Variants in FRK observed in about 807,000 individuals in gnomAD.
FRK encodes fyn related Src family tyrosine kinase.
In FRK, 51 loss-of-function variants were observed where a neutral mutation model predicts 56.4. That is an observed-to-expected ratio of 0.90 (90% CI 0.72 to 1.14). FRK has a LOEUF of 1.14. FRK is among the 50% of genes most tolerant of loss of function. The pLI, the probability that FRK is intolerant of heterozygous loss-of-function variation, is 0.00. For missense variants in FRK, 570 were observed against 601.4 expected (o/e 0.95, Z 0.55); for synonymous variants, 245 against 217.9 (o/e 1.12, Z -1.10).
intron 1 of FRK, among the ~76,000 whole-genome samples, chr6:116,056,200 G>GTT (rs540554217): frequency 1.7e-4 from 23 of 132,718 alleles, no homozygotes; most frequent in East Asian, 2.2e-4. Flanking sequence ...TGTTCATTTG[G>GTT]TTTTTTTTTT....
chr6:115,958,642 A>AG (rs1773120989), intron 4 of FRK, among the ~76,000 whole-genome samples: 1 of 5,732 alleles, frequency 1.7e-4, no homozygotes, highest in African/African-American at 3.7e-4. Context: ...AAGGAAAGAA[A>AG]GAAAAGAAAG....
chr6:115,944,208 T>A, intron 6 of FRK, 36 bp downstream of exon 6: 1 of 1,545,276 alleles, frequency 6.5e-7, no homozygotes, highest in South Asian at 1.2e-5. Flanking sequence ...ACTTTTGACC[T>A]ATTACAAAAA....
chr6:116,014,976 G>A (rs545860575), intron 1 of FRK, among the ~76,000 whole-genome samples: 4 of 152,120 alleles, frequency 2.6e-5, no homozygotes, highest in Non-Finnish European at 5.9e-5. Flanking sequence ...TCTCAGAAAT[G>A]CCTGTGAAAG....
chr6:115,972,487 C>G (rs1458973224), intron 2 of FRK, among the ~76,000 whole-genome samples: 1 of 152,144 alleles, frequency 6.6e-6, no homozygotes, highest in Non-Finnish European at 1.5e-5. Flanking sequence ...TTCATTAGCC[C>G]AGGAATAAAG....
the FRK span, among the ~76,000 whole-genome samples, chr6:116,067,744 T>A: frequency 6.6e-6 from 1 of 152,202 alleles, no homozygotes; most frequent in African/African-American, 2.4e-5. Context: ...TTGTTTTCTA[T>A]AATAGAACAA....
intron 2 of FRK, among the ~76,000 whole-genome samples, chr6:115,991,816 A>G (rs1051872971): frequency 9.9e-5 from 15 of 151,510 alleles, no homozygotes; most frequent in African/African-American, 3.6e-4. Context: ...CCTCCTCCTC[A>G]ATTTTTTTGA....
chr6:115,967,332 A>G (rs1773619780), intron 4 of FRK, among the ~76,000 whole-genome samples: 1 of 152,162 alleles, frequency 6.6e-6, no homozygotes, highest in Non-Finnish European at 1.5e-5. Flanking sequence ...AGACTCTTCA[A>G]TCAGCGATAT....
intron 1 of FRK, among the ~76,000 whole-genome samples, chr6:116,022,137 T>C (rs1775894110): frequency 6.6e-6 from 1 of 151,898 alleles, no homozygotes. Flanking sequence ...CAGAAAATAT[T>C]AATAACCCTA....
At chr6:116,053,768 A>G (rs1255238386) in intron 1 of FRK, among the ~76,000 whole-genome samples, 1 of 152,124 alleles carries the variant, frequency 6.6e-6, no homozygotes, top group Non-Finnish European at 1.5e-5. Context: ...CTAAAGAGTG[A>G]TTCTGAATGA....
intron 1 of FRK, among the ~76,000 whole-genome samples, chr6:116,057,213 A>G (rs1314067549): frequency 6.6e-6 from 1 of 152,230 alleles, no homozygotes; most frequent in East Asian, 1.9e-4. Context: ...GATATAAACA[A>G]TAATCTTTCC....
At chr6:116,056,035 A>C (rs562858777) in intron 1 of FRK, among the ~76,000 whole-genome samples, 31 of 152,288 alleles carry the variant, frequency 2.0e-4, no homozygotes, top group African/African-American at 7.5e-4. Context: ...AGAAATCATC[A>C]GTGGCTGGCT....
intron 2 of FRK, among the ~76,000 whole-genome samples, chr6:115,990,238 C>G (rs778288341): frequency 6.6e-6 from 1 of 151,898 alleles, no homozygotes; most frequent in Non-Finnish European, 1.5e-5. Flanking sequence ...CCTGTTTACT[C>G]TGTTGATTGT....
chr6:115,967,638 T>C lies in FRK; in HGVS notation c.712A>G (p.Lys238Glu). 6.2e-7 allele frequency: 1 copy of C among 1,613,782 alleles called. No homozygotes were observed. Among genetic ancestry groups the C allele is most frequent in the Non-Finnish European group, 8.5e-7 (1 of 1,179,816 alleles). The change falls in exon 4 of 8, where the codon AAG becomes GAG. Residue 238 changes from lysine to glutamate, a missense_variant. By Grantham distance (56) the Lys-to-Glu change is moderately conservative (BLOSUM62 1). Coordinates refer to ENST00000606080, the MANE Select transcript of FRK (RefSeq NM_002031.3). ...EIDRNSIQLL[K>E]RLGSGQFGEV... is the part of the protein sequence containing the mutation. ...CCAAACTGACCAGATCCCAATCGCT[T>C]CAGAAGCTGTATGGAGTTGCGGTCT...
At chr6:115,959,874 T>A (rs1199535622) in intron 4 of FRK, among the ~76,000 whole-genome samples, 1 of 152,138 alleles carries the variant, frequency 6.6e-6, no homozygotes, top group Non-Finnish European at 1.5e-5. Flanking sequence ...TTGACACTAT[T>A]CACTTGTTAC....
the FRK span, among the ~76,000 whole-genome samples, chr6:116,078,231 A>C: frequency 1.3e-5 from 2 of 152,226 alleles, no homozygotes; most frequent in Non-Finnish European, 2.9e-5. Flanking sequence ...GTAGTGTCCC[A>C]ACTTCTGGAC....
chr6:115,996,422 C>T lies in FRK; in HGVS notation c.466+7455G>A, dbSNP rs79350673. Reference sequence around the variant, plus strand: ...GGGTCTGTATAAAGTGAGTTTAGGACGAACTCTGTGCCTGGCAGAGACATA... The same window carrying T: ...GGGTCTGTATAAAGTGAGTTTAGGATGAACTCTGTGCCTGGCAGAGACATA... On this transcript the variant is annotated intron_variant, in intron 2 of 7. Transcript: ENST00000606080. 7.4e-3 allele frequency among the ~76,000 whole-genome samples: 1,131 copies of T among 152,136 alleles called. 23 individuals carry two copies. Among genetic ancestry groups the T allele is most frequent in the African/African-American group, 0.026 (1,084 of 41,510 alleles).
rs530128506 is a variant in FRK, at chr6:115,976,018, T to C, written c.467-7279A>G. On this transcript the variant is annotated intron_variant, in intron 2 of 7. Transcript: ENST00000606080. Reference sequence around the variant, plus strand: ...TATTTGGCAACCCTCACATCCAGAGTAACTGGTTCGGGAGAGGATCTATGA... The same window carrying C: ...TATTTGGCAACCCTCACATCCAGAGCAACTGGTTCGGGAGAGGATCTATGA... Among the ~76,000 whole-genome samples the C allele has an allele frequency of 2.6e-5, 4 of 152,200 alleles. No homozygotes were observed. The South Asian group carries it at 8.3e-4, about 32-fold the overall frequency.
chr6:116,004,109 G>T, intron 1 of FRK, 111 bp from the exon 2 acceptor site: 1 of 939,330 alleles, frequency 1.1e-6, no homozygotes, highest in Non-Finnish European at 1.6e-6. Flanking sequence ...GTATTCTTTA[G>T]TAAAACTATT....
intron 5 of FRK, among the ~76,000 whole-genome samples, chr6:115,948,699 C>T (rs908629872): frequency 1.3e-5 from 2 of 152,208 alleles, no homozygotes; most frequent in Admixed American, 6.5e-5. Flanking sequence ...CATAGCTTGT[C>T]TTCCTTCAGT....
Sources: gnomAD v4.1 joint callset for allele counts (sites outside exome capture counted in the v4.1 genomes callset) on GRCh38, gnomAD v4.1.1 for gene constraint, MANE v1.5 for transcripts, NCBI Gene and HGNC (gene_info 2026-07-23, HGNC 2026-07-21) for gene names.